SNX13: variants seen among roughly 807,000 people sequenced by gnomAD.
SNX13 encodes the protein sorting nexin-13.
Under a neutral mutation model 133.6 loss-of-function variants are expected in SNX13, and 45 were observed. The ratio of observed to expected loss-of-function variants is 0.34; its 90% confidence interval spans 0.27 to 0.43. The LOEUF (loss-of-function observed/expected upper bound fraction) is 0.43, where lower values mean the gene tolerates loss of function less well. Among genes scored for constraint, SNX13 ranks in the 20% least tolerant of loss-of-function variants. The pLI is 1.00. For synonymous variants in SNX13, 414 were observed against 373.9 expected (o/e 1.11, Z -1.24); for missense variants, 1,032 against 1,145.1 (o/e 0.90, Z 1.43).
At chr7:17,882,659 G>A in intron 5 of SNX13, 1 of 289,122 alleles carries the variant, frequency 3.5e-6, no homozygotes, top group South Asian at 8.0e-5. Context: ...TCAAAATGTG[G>A]AGTGTGATGG....
chr7:17,863,283 G>A (rs115801623), intron 9 of SNX13, among the ~76,000 whole-genome samples: 189 of 152,270 alleles, frequency 1.2e-3, no homozygotes, highest in African/African-American at 4.4e-3. Flanking sequence ...GCAAGCCCTG[G>A]TGCTACATAC....
intron 20 of SNX13, among the ~76,000 whole-genome samples, chr7:17,811,147 G>A (rs1244024261): frequency 6.6e-6 from 1 of 152,112 alleles, no homozygotes; most frequent in Non-Finnish European, 1.5e-5. Context: ...AGGATGTCTG[G>A]CCTGGACAAT....
Position 17,825,887 on chromosome 7 carries a change from A to G in SNX13, c.1705+135T>C, listed in dbSNP as rs1787853327. On this transcript the variant is annotated intron_variant, in intron 17 of 25. Coordinates refer to ENST00000428135, the MANE Select transcript of SNX13 (RefSeq NM_015132.5). ...AATATAGCAGAATTTAATGAAGGACATGCTGCAGAAAAAAAGTAACAAAAC... is the reference window on the plus strand; with the variant it reads ...AATATAGCAGAATTTAATGAAGGACGTGCTGCAGAAAAAAAGTAACAAAAC... The G allele has an allele frequency of 7.2e-6, 4 of 557,140 alleles. No individual in the cohort carries two copies. In the South Asian group the frequency reaches 9.5e-5, roughly 13 times the overall value. 34.5% of individuals were successfully genotyped at this position (557,140 alleles called of 1,614,324 possible). A position where few individuals can be genotyped will look rare whatever the true frequency, so the allele number is the denominator to read the frequency against.
chr7:17,847,899 C>A (rs1790738789), intron 11 of SNX13, among the ~76,000 whole-genome samples: 2 of 152,164 alleles, frequency 1.3e-5, no homozygotes, highest in South Asian at 2.1e-4. Context: ...TTTATAAACA[C>A]TTTTAACATT....
At chr7:17,897,056 T>C (rs1232184375) in intron 2 of SNX13, among the ~76,000 whole-genome samples, 1 of 152,078 alleles carries the variant, frequency 6.6e-6, no homozygotes, top group African/African-American at 2.4e-5. Flanking sequence ...CCAAAAGGAA[T>C]TTGAAAAATT....
chr7:17,933,297 A>C (rs560165816), intron 1 of SNX13, among the ~76,000 whole-genome samples: 1 of 152,318 alleles, frequency 6.6e-6, no homozygotes, highest in South Asian at 2.1e-4. Context: ...TAATCCCAGC[A>C]CTTTGGGAGG....
chr7:17,804,612 G>A (rs1784981578), intron 20 of SNX13, among the ~76,000 whole-genome samples: 1 of 151,594 alleles, frequency 6.6e-6, no homozygotes, highest in African/African-American at 2.4e-5. Flanking sequence ...CATTAATAAA[G>A]AAAGAGACAT....
intron 17 of SNX13, 73 bp from the exon 18 acceptor site, chr7:17,821,721 A>G (rs1787309213): frequency 5.3e-6 from 8 of 1,498,872 alleles, no homozygotes; most frequent in Non-Finnish European, 7.2e-6. Context: ...CGAAAGACAC[A>G]AAAAAGGAGG....
chr7:17,839,757 T>C, intron 13 of SNX13, 50 bp downstream of exon 13: 1 of 1,462,658 alleles, frequency 6.8e-7, no homozygotes, highest in Non-Finnish European at 9.1e-7. Flanking sequence ...TTACAAAAAT[T>C]ATTAATAATA....
rs138225963 is a variant in SNX13, at chr7:17,879,928, T to C, written c.441-4138A>G. 79 of 152,362 alleles carry C rather than the reference T, an allele frequency of 5.2e-4. 1 individual carries two copies. Among genetic ancestry groups the C allele is most frequent in the Admixed American group, 4.6e-3 (70 of 15,306 alleles). 9.4% of individuals were successfully genotyped at this position (152,362 alleles called of 1,614,324 possible). On this transcript the variant is annotated intron_variant, in intron 5 of 25. Coordinates refer to ENST00000428135, the MANE Select transcript of SNX13 (RefSeq NM_015132.5). Reference sequence around the variant, plus strand: ...CATTACATCTTTGAGTCTATGATTATATTAGCTACATAAAACCACACATAT... The same window carrying C: ...CATTACATCTTTGAGTCTATGATTACATTAGCTACATAAAACCACACATAT...
intron 5 of SNX13, among the ~76,000 whole-genome samples, chr7:17,886,065 TAAC>T (rs1340912142): frequency 6.6e-6 from 1 of 152,176 alleles, no homozygotes; most frequent in East Asian, 1.9e-4. Flanking sequence ...GTTTGCCTTT[TAAC>T]AAGTGTAGGG....
At chr7:17,915,969 A>G (rs1204179399) in intron 1 of SNX13, among the ~76,000 whole-genome samples, 1 of 152,228 alleles carries the variant, frequency 6.6e-6, no homozygotes. Flanking sequence ...CTCAGACTAC[A>G]GTGGACTAAA....
chr7:17,837,917 C>A (rs568105973), intron 13 of SNX13, among the ~76,000 whole-genome samples: 2 of 151,704 alleles, frequency 1.3e-5, no homozygotes, highest in Non-Finnish European at 2.9e-5. Context: ...TCACAACCTA[C>A]ATGTATCATC....
chr7:17,899,810 T>A (rs1797617619), intron 1 of SNX13: 1 of 152,198 alleles, frequency 6.6e-6, no homozygotes, highest in Non-Finnish European at 1.5e-5. Flanking sequence ...TGTGGTGTCT[T>A]ATTTAGTCCA....
intron 5 of SNX13, chr7:17,880,926 G>C (rs1040109968): frequency 6.6e-6 from 1 of 152,130 alleles, no homozygotes; most frequent in Non-Finnish European, 1.5e-5. Context: ...AGGGGGATGA[G>C]CATGATAAAT....
Position 17,875,760 on chromosome 7 carries a change from A to G in SNX13, c.471T>C (p.Phe157=), listed in dbSNP as rs771973889. Residue 157 remains phenylalanine, a synonymous_variant, in exon 6 of 26, where the codon TTT becomes TTC. Coordinates refer to ENST00000428135, the MANE Select transcript of SNX13 (RefSeq NM_015132.5). The part of the protein sequence containing the change: ...RSKEIDWQPY[F]TTRIVDDFGT... ...CAAAGTCATCTACAATGCGTGTAGTAAAATAAGGTTGCCAGTCTATTTCTT... is the reference window on the plus strand; with the variant it reads ...CAAAGTCATCTACAATGCGTGTAGTGAAATAAGGTTGCCAGTCTATTTCTT... 1.5e-5 allele frequency: 24 copies of G among 1,608,060 alleles called. No individual in the cohort carries two copies. Among genetic ancestry groups the G allele is most frequent in the Non-Finnish European group, 2.0e-5 (24 of 1,176,280 alleles).
At chr7:17,936,340 T>C (rs1802021898) in intron 1 of SNX13, among the ~76,000 whole-genome samples, 2 of 152,230 alleles carry the variant, frequency 1.3e-5, no homozygotes. Context: ...ATCAGATCTG[T>C]TAACTCTGAG....
intron 1 of SNX13, among the ~76,000 whole-genome samples, chr7:17,930,164 A>G (rs1801233870): frequency 1.5e-5 from 1 of 67,012 alleles, no homozygotes; most frequent in Non-Finnish European, 3.6e-5. Flanking sequence ...TTACTGTAGG[A>G]AACACTGCAC....
chr7:17,860,463 T>C (rs185101561), intron 9 of SNX13, among the ~76,000 whole-genome samples: 1 of 152,328 alleles, frequency 6.6e-6, no homozygotes, highest in East Asian at 1.9e-4. Flanking sequence ...GTTCCTTTGC[T>C]GGGCAGTTTT....
Sources: gnomAD v4.1 joint callset for allele counts (sites outside exome capture counted in the v4.1 genomes callset) on GRCh38, gnomAD v4.1.1 for gene constraint, MANE v1.5 for transcripts, NCBI Gene and HGNC (gene_info 2026-07-23, HGNC 2026-07-21) for gene names.